The following THAP6 variants were observed in gnomAD, a reference collection of about 807,000 sequenced individuals.
The protein encoded by THAP6 is THAP domain-containing protein 6.
THAP6 carries 13 observed loss-of-function variants against 20.0 expected under a neutral mutation model. The observed-to-expected ratio is 0.65, with a 90% CI of 0.42 to 1.03. The LOEUF is 1.03. Ranked by LOEUF, THAP6 falls within the 50% of genes least tolerant of loss-of-function variation. THAP6 has a pLI of 0.00. For missense variants in THAP6, 262 were observed against 261.6 expected (o/e 1.00, Z -0.01); for synonymous variants, 93 against 92.2 (o/e 1.01, Z -0.05).
chr4:75,518,632 C>T (rs1725814028), intron 3 of THAP6, among the ~76,000 whole-genome samples: 1 of 151,828 alleles, frequency 6.6e-6, no homozygotes, highest in Admixed American at 6.5e-5. Context: ...TATTAAATGG[C>T]AGAGGCTAGA....
rs1269600316 is a variant in THAP6 at position 75,529,451 on chromosome 4, G to A, written c.*2237G>A. The stretch of plus-strand genomic sequence containing the variant: ...ATAACTGAGAAATAAATAACTGTGT[G>A]CAAAATATTGGTATCATTAAGGACC... On this transcript the variant is annotated 3_prime_UTR_variant, in exon 5 of 5. Coordinates refer to ENST00000311638, the MANE Select transcript of THAP6 (RefSeq NM_144721.6). 5.1e-6 allele frequency: 5 copies of A among 985,262 alleles called. No individual in the cohort carries two copies. Among genetic ancestry groups the A allele is most frequent in the Non-Finnish European group, 6.0e-6 (5 of 829,936 alleles). 61.0% of individuals were successfully genotyped at this position (985,262 alleles called of 1,614,324 possible). A position where few individuals can be genotyped will look rare whatever the true frequency, so the allele number is the denominator to read the frequency against.
intron 2 of THAP6, among the ~76,000 whole-genome samples, chr4:75,535,163 T>C (rs1023441758): frequency 3.9e-5 from 6 of 152,192 alleles, no homozygotes; most frequent in Non-Finnish European, 8.8e-5. Flanking sequence ...TTCACTATCA[T>C]GAGAACAGCA....
chr4:75,529,097 G>C lies in THAP6; in HGVS notation c.*1883G>C, dbSNP rs1726562559. On this transcript the variant is annotated 3_prime_UTR_variant, in exon 5 of 5. Coordinates refer to ENST00000311638, the MANE Select transcript of THAP6 (RefSeq NM_144721.6). ...CATTAATTACCCATTATTTATTTTA[G>C]TTACTTAATTTTGAGTTCATAAATG... The C allele has an allele frequency of 1.0e-6, 1 of 969,118 alleles. No individual in the cohort carries two copies. 60.0% of individuals were successfully genotyped at this position (969,118 alleles called of 1,614,324 possible).
downstream of THAP6, among the ~76,000 whole-genome samples, chr4:75,533,305 A>G (rs1726744598): frequency 6.6e-6 from 1 of 152,194 alleles, no homozygotes; most frequent in South Asian, 2.1e-4. Flanking sequence ...TCCAGTTCCC[A>G]ACAAGTTCCT....
chr4:75,517,143 G>A (rs1050271580), intron 3 of THAP6, 164 bp downstream of exon 3: 54 of 542,628 alleles, frequency 1.0e-4, no homozygotes, highest in Non-Finnish European at 1.6e-4. Flanking sequence ...TCAGCCTCCC[G>A]AGAAGCTGGG....
chr4:75,539,748 C>A, intron 2 of THAP6: 1 of 1,463,594 alleles, frequency 6.8e-7, no homozygotes, highest in Non-Finnish European at 9.1e-7. Flanking sequence ...GACAATAGCA[C>A]CTTACCCATT....
chr4:75,532,971 C>A (rs1726732035), downstream of THAP6, among the ~76,000 whole-genome samples: 1 of 152,180 alleles, frequency 6.6e-6, no homozygotes, highest in Non-Finnish European at 1.5e-5. Flanking sequence ...AGACATTTTC[C>A]CCATTGTCTT....
chr4:75,519,166 T>C (rs1725850066), intron 3 of THAP6, among the ~76,000 whole-genome samples: 1 of 152,196 alleles, frequency 6.6e-6, no homozygotes, highest in African/African-American at 2.4e-5. Context: ...TCTTGTATGA[T>C]TCATCCACAT....
chr4:75,526,850 T>G, intron 4 of THAP6, 110 bp from the exon 5 acceptor site: 1 of 1,462,812 alleles, frequency 6.8e-7, no homozygotes, highest in Non-Finnish European at 9.1e-7. Context: ...ATCACCAACT[T>G]AAAAATGTTC....
intron 2 of THAP6, among the ~76,000 whole-genome samples, chr4:75,535,511 T>C (rs1027069869): frequency 1.3e-5 from 2 of 152,216 alleles, no homozygotes; most frequent in African/African-American, 4.8e-5. Context: ...CTCACTTCTT[T>C]CTATTCTGCT....
At chr4:75,518,704 A>G (rs1011282248) in intron 3 of THAP6, among the ~76,000 whole-genome samples, 1 of 152,216 alleles carries the variant, frequency 6.6e-6, no homozygotes, top group Non-Finnish European at 1.5e-5. Context: ...ATGACATTAA[A>G]TATTTTCCTA....
intron 4 of THAP6, among the ~76,000 whole-genome samples, chr4:75,525,268 T>C (rs907111076): frequency 1.3e-5 from 2 of 152,180 alleles, no homozygotes; most frequent in African/African-American, 4.8e-5. Flanking sequence ...TAATTATGTG[T>C]ATATTAGGCT....
At chr4:75,540,987 G>GA (rs1303373021) in intron 2 of THAP6, among the ~76,000 whole-genome samples, 2 of 152,112 alleles carry the variant, frequency 1.3e-5, no homozygotes, top group Non-Finnish European at 2.9e-5. Flanking sequence ...ATATTTTGTT[G>GA]AAAATCACAT....
chr4:75,524,441 A>G (rs1250807844), intron 4 of THAP6, among the ~76,000 whole-genome samples: 1 of 152,164 alleles, frequency 6.6e-6, no homozygotes, highest in Non-Finnish European at 1.5e-5. Flanking sequence ...ACCTGTTATC[A>G]TTTTGCCTAC....
downstream of THAP6, among the ~76,000 whole-genome samples, chr4:75,532,930 G>T (rs565708573): frequency 6.6e-6 from 1 of 152,308 alleles, no homozygotes; most frequent in Non-Finnish European, 1.5e-5. Flanking sequence ...TGATGGAAGG[G>T]GCTGCCTTGA....
chr4:75,524,034 G>A (rs1381873558), intron 4 of THAP6, among the ~76,000 whole-genome samples: 6 of 152,064 alleles, frequency 3.9e-5, no homozygotes, highest in African/African-American at 1.4e-4. Context: ...CTTTTCCCCA[G>A]TTTATGTTCT....
rs1726546078 is a variant in THAP6, at chr4:75,528,873, A to AC, written c.*1663dup. ...AAACCAGCCTGGCCAAGATGGTGAA[A>AC]CCCCATCTCTGCTAAAAATACAAAA... is the stretch of plus-strand genomic sequence containing the variant. On this transcript the variant is annotated 3_prime_UTR_variant, in exon 5 of 5. Transcript: ENST00000311638. 3 of 684,580 alleles carry AC rather than the reference A, an allele frequency of 4.4e-6. No homozygotes were observed. The African/African-American group carries it at 5.9e-5, about 13-fold the overall frequency. 42.4% of individuals were successfully genotyped at this position (684,580 alleles called of 1,614,324 possible).
At chr4:75,530,676 G>GT (rs530897090), downstream of THAP6, among the ~76,000 whole-genome samples, 192 of 152,278 alleles carry the variant, frequency 1.3e-3, no homozygotes, top group Non-Finnish European at 1.8e-4. Flanking sequence ...GTATACTGTG[G>GT]TTTTTTCCAT....
At chr4:75,514,746 G>C (rs577055532) in intron 1 of THAP6, 2 of 159,464 alleles carry the variant, frequency 1.3e-5, no homozygotes, top group South Asian at 3.6e-4. Context: ...TGGGCTCAGC[G>C]GGTCCCGCGC....
Sources: gnomAD v4.1 joint callset for allele counts (sites outside exome capture counted in the v4.1 genomes callset) on GRCh38, gnomAD v4.1.1 for gene constraint, MANE v1.5 for transcripts, NCBI Gene and HGNC (gene_info 2026-07-23, HGNC 2026-07-21) for gene names.